Variants in PCDH15 observed in about 807,000 individuals in gnomAD.
PCDH15 encodes the protein protocadherin related 15.
PCDH15 carries 129 observed loss-of-function variants against 178.5 expected under a neutral mutation model. That is an observed-to-expected ratio of 0.72 (90% CI 0.63 to 0.84). The LOEUF is 0.84. Ranked by LOEUF, PCDH15 falls within the 40% of genes least tolerant of loss-of-function variation. The probability of loss-of-function intolerance (pLI) is 0.00; values close to 1 mark genes in which losing one functional copy is unlikely to be tolerated. For synonymous variants in PCDH15, 800 were observed against 732.0 expected (o/e 1.09, Z -1.50); for missense variants, 2,230 against 2,099.9 (o/e 1.06, Z -1.21).
chr10:54,424,794 G>A (rs1353319719), intron 3 of PCDH15, among the ~76,000 whole-genome samples: 3 of 148,502 alleles, frequency 2.0e-5, no homozygotes, highest in Non-Finnish European at 4.4e-5. Context: ...TCACTCATAG[G>A]TGGGAATTGA....
chr10:54,574,946 T>C (rs1221659402), intron 2 of PCDH15, among the ~76,000 whole-genome samples: 1 of 148,998 alleles, frequency 6.7e-6, no homozygotes, highest in Non-Finnish European at 1.5e-5. Flanking sequence ...GTGGCACATA[T>C]ACACCATGGA....
At position 55,507,757 on chromosome 10, in the gene PCDH15, C is replaced by T. The variant is rs192291411; in HGVS notation, c.-156+119868G>A. On this transcript the variant is annotated intron_variant, in intron 2 of 5. Transcript: ENST00000613346. ...TTAATAACTCAGGGTCCACAAATAT[C>T]TAAATACTAAAGCTTAGTCACAGAA... Among the ~76,000 whole-genome samples the T allele has an allele frequency of 3.3e-3, 501 of 151,546 alleles. 3 individuals carry two copies. The highest frequency in any genetic ancestry group is 4.8e-3 in the Non-Finnish European group (324 of 67,718).
rs756387741 is a variant in PCDH15 at position 54,669,294 on chromosome 10, A to G, written c.-28-5004T>C. Among the ~76,000 whole-genome samples the G allele has an allele frequency of 3.4e-4, 51 of 151,916 alleles. 1 individual carries two copies. The highest frequency in any genetic ancestry group is 6.8e-3 in the Middle Eastern group (2 of 292). The stretch of plus-strand genomic sequence containing the variant: ...AATAAAATTTCAGAGAGCCTTTCAG[A>G]TATATTCCTTCCTTCTAGATCATAT... On this transcript the variant is annotated intron_variant, in intron 1 of 37. Coordinates refer to ENST00000644397, the MANE Select transcript of PCDH15 (RefSeq NM_001384140.1).
intron 15 of PCDH15, among the ~76,000 whole-genome samples, chr10:54,119,247 A>T (rs185915705): frequency 1.3e-5 from 2 of 152,262 alleles, no homozygotes; most frequent in African/African-American, 4.8e-5. Flanking sequence ...CACACAAAAA[A>T]ATTCTAAAGC....
intron 2 of PCDH15, among the ~76,000 whole-genome samples, chr10:54,935,287 C>A (rs529860861): frequency 6.6e-6 from 1 of 151,838 alleles, no homozygotes; most frequent in African/African-American, 2.4e-5. Flanking sequence ...ATGCAGAGAC[C>A]GATGAAAATT....
chr10:54,775,781 G>A (rs901881734), intron 1 of PCDH15, among the ~76,000 whole-genome samples: 1 of 152,064 alleles, frequency 6.6e-6, no homozygotes, highest in African/African-American at 2.4e-5. Context: ...GCTACTCGGA[G>A]AGGCTGAGGC....
intron 1 of PCDH15, among the ~76,000 whole-genome samples, chr10:55,244,548 T>C (rs758003274): frequency 2.6e-5 from 4 of 151,834 alleles, no homozygotes; most frequent in African/African-American, 4.8e-5. Flanking sequence ...TTCTGAGTTG[T>C]TCTGTGTGTA....
At position 53,840,503 on chromosome 10, in the gene PCDH15, A is replaced by G. The variant is rs199750810; in HGVS notation, c.3807-7T>C. On this transcript the variant is annotated splice_region_variant and splice_polypyrimidine_tract_variant and intron_variant, in intron 28 of 37. Transcript: ENST00000644397. ...AACATAGCGATCCAAGATCCTATAAATCAAACAAAGTACAAACATGACAGT... is the reference window on the plus strand; with the variant it reads ...AACATAGCGATCCAAGATCCTATAAGTCAAACAAAGTACAAACATGACAGT... 1.2e-6 allele frequency: 2 copies of G among 1,612,860 alleles called. No individual in the cohort carries two copies. Among genetic ancestry groups the G allele is most frequent in the Admixed American group, 3.3e-5 (2 of 60,022 alleles).
At chr10:54,686,894 C>T (rs2095022400) in intron 1 of PCDH15, among the ~76,000 whole-genome samples, 1 of 151,946 alleles carries the variant, frequency 6.6e-6, no homozygotes, top group South Asian at 2.1e-4. Flanking sequence ...AAGGTTTGAT[C>T]TCCAAAATAC....
intron 14 of PCDH15, among the ~76,000 whole-genome samples, chr10:54,136,513 A>G (rs2042917487): frequency 6.6e-6 from 1 of 152,038 alleles, no homozygotes; most frequent in African/African-American, 2.4e-5. Context: ...GGTCAAGAAT[A>G]CTTTATAAAG....
chr10:54,225,918 G>A (rs2053389694), intron 9 of PCDH15, among the ~76,000 whole-genome samples: 2 of 152,296 alleles, frequency 1.3e-5, no homozygotes, highest in South Asian at 4.1e-4. Flanking sequence ...TGAGGGAGAT[G>A]TGACAAGTGT....
intron 2 of PCDH15, among the ~76,000 whole-genome samples, chr10:54,975,847 T>G (rs571416259): frequency 6.6e-6 from 1 of 152,220 alleles, no homozygotes; most frequent in African/African-American, 2.4e-5. Context: ...ACTATGAAAT[T>G]TATGTAACTT....
rs1411049187 is a variant in PCDH15 at position 54,133,999 on chromosome 10, C to T, written c.1785-992G>A. On this transcript the variant is annotated intron_variant, in intron 14 of 37. Transcript: ENST00000644397. ...AACAAAGTCATGATTTAGTTCAAAACACATTTGTTATAATTTCTATTTGGG... is the reference window on the plus strand; with the variant it reads ...AACAAAGTCATGATTTAGTTCAAAATACATTTGTTATAATTTCTATTTGGG... 1.5e-5 allele frequency among the ~76,000 whole-genome samples: 2 copies of T among 135,642 alleles called. 1 individual carries two copies. Among genetic ancestry groups the T allele is most frequent in the Non-Finnish European group, 3.2e-5 (2 of 62,720 alleles). 89.0% of individuals were successfully genotyped at this position (135,642 alleles called of 152,430 possible). A position where few individuals can be genotyped will look rare whatever the true frequency, so the allele number is the denominator to read the frequency against.
At chr10:54,649,601 A>G (rs2135160925) in intron 2 of PCDH15, among the ~76,000 whole-genome samples, 1 of 152,260 alleles carries the variant, frequency 6.6e-6, no homozygotes, top group African/African-American at 2.4e-5. Context: ...TATATGAGAG[A>G]TTCAGTTAGT....
chr10:54,720,824 A>T (rs1169238339), intron 1 of PCDH15, among the ~76,000 whole-genome samples: 1 of 152,100 alleles, frequency 6.6e-6, no homozygotes, highest in Non-Finnish European at 1.5e-5. Flanking sequence ...TGACACCACT[A>T]GACTGATCAC....
chr10:55,353,355 G>C lies in PCDH15; in HGVS notation c.-155-186704C>G, dbSNP rs149183545. Among the ~76,000 whole-genome samples the C allele has an allele frequency of 3.7e-3, 556 of 152,190 alleles. 3 individuals carry two copies. Among genetic ancestry groups the C allele is most frequent in the African/African-American group, 0.012 (504 of 41,542 alleles). Reference sequence around the variant, plus strand: ...GACTTAAAATTCATGGTCTGAAACCGCAATTACTTTTGCACCAACCTACAA... The same window carrying C: ...GACTTAAAATTCATGGTCTGAAACCCCAATTACTTTTGCACCAACCTACAA... On this transcript the variant is annotated intron_variant, in intron 2 of 5. Coordinates refer to the PCDH15 transcript ENST00000613346.
Position 54,730,354 on chromosome 10 carries a change from C to T in PCDH15, c.-28-66064G>A, listed in dbSNP as rs921756428. 8.6e-5 allele frequency among the ~76,000 whole-genome samples: 13 copies of T among 151,524 alleles called. No individual in the cohort carries two copies. In the Admixed American group the frequency reaches 8.6e-4, roughly 10 times the overall value. ...ATACATGGGAGCTAAACATTGAGTA[C>T]ACATGGATACAGACAAAGGAACAAT... On this transcript the variant is annotated intron_variant, in intron 1 of 37. Coordinates refer to ENST00000644397, the MANE Select transcript of PCDH15 (RefSeq NM_001384140.1).
At chr10:54,853,318 T>TATAC (rs1194965974) in intron 3 of PCDH15, among the ~76,000 whole-genome samples, 2,658 of 101,952 alleles carry the variant, frequency 0.026, 43 homozygotes, top group African/African-American at 0.039. Context: ...TATATATATA[T>TATAC]ACATACACAC....
At chr10:54,506,000 C>T (rs894735849) in intron 3 of PCDH15, among the ~76,000 whole-genome samples, 2 of 151,834 alleles carry the variant, frequency 1.3e-5, no homozygotes, top group African/African-American at 4.8e-5. Flanking sequence ...ATTTTGACTC[C>T]CATTTGGTAT....
Sources: gnomAD v4.1 joint callset for allele counts (sites outside exome capture counted in the v4.1 genomes callset) on GRCh38, gnomAD v4.1.1 for gene constraint, MANE v1.5 for transcripts, NCBI Gene and HGNC (gene_info 2026-07-23, HGNC 2026-07-21) for gene names.